DNAH6: variants seen among roughly 807,000 people sequenced by gnomAD.
The protein encoded by DNAH6 is axonemal beta dynein heavy chain 6.
DNAH6 carries 340 observed loss-of-function variants against 491.4 expected under a neutral mutation model. That is an observed-to-expected ratio of 0.69 (90% CI 0.63 to 0.76). The LOEUF is 0.76. Among genes scored for constraint, DNAH6 ranks in the 30% least tolerant of loss-of-function variants. DNAH6 has a pLI of 0.00. For synonymous variants in DNAH6, 1,603 were observed against 1,686.1 expected (o/e 0.95, Z 1.21); for missense variants, 4,443 against 4,972.2 (o/e 0.89, Z 3.20).
In DNAH6 at chr2:84,580,618, G is replaced by A. The variant is rs991688669; in HGVS notation, c.2229+939G>A. Among the ~76,000 whole-genome samples the A allele has an allele frequency of 4.6e-5, 7 of 152,280 alleles. No homozygotes were observed. In the East Asian group the frequency reaches 1.3e-3, roughly 29 times the overall value. Reference sequence around the variant, plus strand: ...ATTTCACATGACTACAAAGGTAACAGTGTTTCTCATTTCAAGAAATCGTGC... The same window carrying A: ...ATTTCACATGACTACAAAGGTAACAATGTTTCTCATTTCAAGAAATCGTGC... On this transcript the variant is annotated intron_variant, in intron 14 of 76. Coordinates refer to ENST00000389394, the MANE Select transcript of DNAH6 (RefSeq NM_001370.2).
At chr2:84,652,308 T>G (rs141569781) in intron 33 of DNAH6, among the ~76,000 whole-genome samples, 1 of 152,214 alleles carries the variant, frequency 6.6e-6, no homozygotes, top group Non-Finnish European at 1.5e-5. Context: ...AGGCCAAATG[T>G]AGTAGCCTAT....
chr2:84,642,802 T>C (rs1337515719), intron 33 of DNAH6, among the ~76,000 whole-genome samples: 3 of 152,210 alleles, frequency 2.0e-5, no homozygotes, highest in African/African-American at 7.2e-5. Flanking sequence ...TCATTCATTT[T>C]ACTTATATAT....
chr2:84,806,944 T>C (rs77653606), intron 71 of DNAH6, among the ~76,000 whole-genome samples: 3,818 of 152,178 alleles, frequency 0.025, 59 homozygotes, highest in Middle Eastern at 0.092. Context: ...TCAATAAATA[T>C]AAGATAGAGT....
chr2:84,640,535 G>A lies in DNAH6; in HGVS notation c.4927G>A (p.Asp1643Asn), dbSNP rs1435953886. 8.4e-6 allele frequency: 13 copies of A among 1,550,996 alleles called. 1 individual carries two copies. The highest frequency in any genetic ancestry group is 7.3e-5 in the East Asian group (3 of 40,928). The change falls in exon 32 of 77, where the codon GAC (aspartate) becomes AAC (asparagine). Residue 1643 changes from aspartate (D) to asparagine (N), a missense_variant. Transcript: ENST00000389394. ...GCAGCTGTCTCAGCAGGATCACTAC[G>A]ACTTTGGCATGAGAGCTGTGAAGTC... ...SEQLSQQDHY[D>N]FGMRAVKSVL...
chr2:84,810,676 G>C (rs941258922), intron 72 of DNAH6, among the ~76,000 whole-genome samples: 11 of 152,210 alleles, frequency 7.2e-5, no homozygotes, highest in Admixed American at 2.6e-4. Flanking sequence ...AGAAAGCCAG[G>C]GGAAGGGAGC....
At chr2:84,509,498 A>G in the DNAH6 span, among the ~76,000 whole-genome samples, 2 of 152,198 alleles carry the variant, frequency 1.3e-5, no homozygotes, top group African/African-American at 4.8e-5. Context: ...TCCTGAATAC[A>G]GCACACTGAT....
chr2:84,507,706 T>C, the DNAH6 span, among the ~76,000 whole-genome samples: 2 of 152,240 alleles, frequency 1.3e-5, no homozygotes, highest in African/African-American at 2.4e-5. Flanking sequence ...TGTGGTTTTG[T>C]CATAGATAGC....
chr2:84,549,827 CTG>C (rs1679145323), intron 8 of DNAH6, 60 bp from the exon 9 acceptor site: 7 of 1,207,008 alleles, frequency 5.8e-6, no homozygotes, highest in Middle Eastern at 4.3e-4. Flanking sequence ...TTTAGAGACA[CTG>C]TCAAAAATAT....
rs564737994 is a variant in DNAH6, at chr2:84,658,212, C to T, written c.5758-80C>T. 1.5e-4 allele frequency: 147 copies of T among 950,002 alleles called. No homozygotes were observed. The African/African-American group carries it at 2.3e-3, about 15-fold the overall frequency. The allele number at this position is 950,002 out of a possible 1,614,324, so 58.8% of individuals were successfully genotyped here. ...AAGGTCACTGAATATATAGAAATAT[C>T]CAGATTTTAACCAACCTAATTCTAA... On this transcript the variant is annotated intron_variant, in intron 35 of 76. Coordinates refer to ENST00000389394, the MANE Select transcript of DNAH6 (RefSeq NM_001370.2).
At chr2:84,610,727 A>G (rs895138608) in intron 21 of DNAH6, among the ~76,000 whole-genome samples, 2 of 152,220 alleles carry the variant, frequency 1.3e-5, no homozygotes, top group African/African-American at 4.8e-5. Flanking sequence ...GTAAGAGGGA[A>G]AAGATAACCT....
At chr2:84,798,426 C>CAAAGAAT (rs1490178374) in intron 70 of DNAH6, among the ~76,000 whole-genome samples, 6 of 152,140 alleles carry the variant, frequency 3.9e-5, no homozygotes, top group Non-Finnish European at 5.9e-5. Flanking sequence ...CAGAGCAGCC[C>CAAAGAAT]AAAGAATAAG....
chr2:84,724,782 C>G (rs1037480781), intron 60 of DNAH6, among the ~76,000 whole-genome samples: 2 of 152,156 alleles, frequency 1.3e-5, no homozygotes, highest in African/African-American at 4.8e-5. Flanking sequence ...GGGCCTCTCC[C>G]CAAAGTAAAC....
chr2:84,613,869 T>C (rs1260285700), intron 22 of DNAH6, among the ~76,000 whole-genome samples: 1 of 152,156 alleles, frequency 6.6e-6, no homozygotes, highest in African/African-American at 2.4e-5. Context: ...CCCATTTTAA[T>C]GTAATAGAGC....
chr2:84,812,601 C>A, intron 73 of DNAH6, 75 bp downstream of exon 73: 2 of 1,177,772 alleles, frequency 1.7e-6, no homozygotes, highest in South Asian at 1.5e-5. Flanking sequence ...GAAGCACTGG[C>A]TAAAGATATC....
intron 10 of DNAH6, among the ~76,000 whole-genome samples, chr2:84,557,081 T>C (rs1680109922): frequency 6.6e-6 from 1 of 152,206 alleles, no homozygotes; most frequent in South Asian, 2.1e-4. Context: ...TATAGATTAC[T>C]ACTCAAAGAA....
At chr2:84,573,640 G>T in intron 12 of DNAH6, 53 bp downstream of exon 12, 4 of 1,462,908 alleles carry the variant, frequency 2.7e-6, no homozygotes, top group Non-Finnish European at 3.6e-6. Context: ...ACTGAGATTT[G>T]TTGTTTTTTA....
At chr2:84,611,926 A>G (rs1686379618) in intron 22 of DNAH6, 72 bp downstream of exon 22, 13 of 1,340,306 alleles carry the variant, frequency 9.7e-6, no homozygotes, top group South Asian at 7.3e-5. Context: ...GTCCCAGACT[A>G]AAATGTTTCT....
chr2:84,649,414 C>T (rs1690207633), intron 33 of DNAH6, among the ~76,000 whole-genome samples: 2 of 152,144 alleles, frequency 1.3e-5, no homozygotes, highest in South Asian at 4.1e-4. Flanking sequence ...CTTCTTTCAT[C>T]ATTTTCTTTT....
chr2:84,656,281 T>C (rs1690961916), intron 35 of DNAH6, among the ~76,000 whole-genome samples: 1 of 152,170 alleles, frequency 6.6e-6, no homozygotes, highest in Non-Finnish European at 1.5e-5. Context: ...TGTGTGGACA[T>C]AGTTTTCACC....
Sources: allele counts gnomAD v4.1 joint callset (sites outside exome capture counted in the v4.1 genomes callset), GRCh38; gene constraint gnomAD v4.1.1; transcripts MANE v1.5; gene names NCBI Gene and HGNC (gene_info 2026-07-23, HGNC 2026-07-21).